The following ZNF250 variants were observed in gnomAD, a reference collection of about 807,000 sequenced individuals.
ZNF250 encodes the protein zinc finger protein 250, also known as zinc finger protein (clone 647).
Under a neutral mutation model 37.1 loss-of-function variants are expected in ZNF250, and 13 were observed. That is an observed-to-expected ratio of 0.35 (90% CI 0.23 to 0.56). The LOEUF (loss-of-function observed/expected upper bound fraction) is 0.56. Among genes scored for constraint, ZNF250 ranks in the 20% least tolerant of loss-of-function variants. The probability of loss-of-function intolerance (pLI) is 0.87; values close to 1 mark genes in which losing one functional copy is unlikely to be tolerated. For synonymous variants in ZNF250, 251 were observed against 265.6 expected, an observed-to-expected ratio of 0.94 and a Z score of 0.54; for missense variants, 474 against 697.9, an observed-to-expected ratio of 0.68 and a Z score of 3.61.
chr8:144,888,795 C>G (rs896602004), intron 4 of ZNF250, among the ~76,000 whole-genome samples: 16 of 151,990 alleles, frequency 1.1e-4, no homozygotes, highest in Non-Finnish European at 1.6e-4. Context: ...GTCCCCCAGG[C>G]TGGAGTGCAG....
chr8:144,888,056 G>A (rs1832023120), intron 4 of ZNF250, among the ~76,000 whole-genome samples: 1 of 152,166 alleles, frequency 6.6e-6, no homozygotes, highest in Non-Finnish European at 1.5e-5. Flanking sequence ...GGCAGGACAG[G>A]CTGACTGAGG....
chr8:144,886,597 C>T (rs958350957), intron 5 of ZNF250, among the ~76,000 whole-genome samples: 2 of 152,144 alleles, frequency 1.3e-5, no homozygotes, highest in Non-Finnish European at 2.9e-5. Context: ...AAAATGATTT[C>T]ACCGAAATAA....
Position 144,890,392 on chromosome 8 carries a change from G to T in ZNF250, c.-43C>A, listed in dbSNP as rs1382294892. The T allele has an allele frequency of 6.9e-7, 1 of 1,458,298 alleles. No individual in the cohort carries two copies. The highest frequency in any genetic ancestry group is 2.4e-5 in the East Asian group (1 of 41,846). 90.3% of individuals were successfully genotyped at this position (1,458,298 alleles called of 1,614,324 possible). ...ACTCCGAGGATCACGGAAATTGAAG[G>T]AGCCTATGGGGCTGAGGAAGAGGAG... On this transcript the variant is annotated 5_prime_UTR_variant, in exon 2 of 6. Coordinates refer to ENST00000417550, the MANE Select transcript of ZNF250 (RefSeq NM_001109689.4). This position sits in a 1 kb window ranked among gnomAD's most constrained non-coding sequence, Gnocchi z 5.1.
chr8:144,892,427 T>A (rs1832408696), intron 1 of ZNF250, among the ~76,000 whole-genome samples: 1 of 152,184 alleles, frequency 6.6e-6, no homozygotes, highest in Non-Finnish European at 1.5e-5. Flanking sequence ...GAGGAACAGA[T>A]GAAGCCAGAC....
intron 1 of ZNF250, among the ~76,000 whole-genome samples, chr8:144,894,322 T>A (rs1586919185): frequency 6.6e-6 from 1 of 152,142 alleles, no homozygotes; most frequent in East Asian, 1.9e-4. Flanking sequence ...AGCCCCTCCA[T>A]CTACCTTCCT....
Position 144,881,390 on chromosome 8 carries a change from T to G in ZNF250, c.*125A>C. ...GCTAAGTGCTTCTTTCTGGAGTTAT[T>G]TTGTGACACTGAATCGCCAAAGAAA... On this transcript the variant is annotated 3_prime_UTR_variant, in exon 6 of 6. Transcript: ENST00000417550. The G allele has an allele frequency of 1.4e-6, 2 of 1,385,376 alleles. No homozygotes were observed. Among genetic ancestry groups the G allele is most frequent in the Non-Finnish European group, 1.9e-6 (2 of 1,049,746 alleles). The allele number at this position is 1,385,376 out of a possible 1,614,324, so 85.8% of individuals were successfully genotyped here. A position where few individuals can be genotyped will look rare whatever the true frequency, so the allele number is the denominator to read the frequency against.
At chr8:144,887,416 C>T (rs1327145028) in intron 4 of ZNF250, among the ~76,000 whole-genome samples, 2 of 152,138 alleles carry the variant, frequency 1.3e-5, no homozygotes, top group Admixed American at 1.3e-4. Context: ...ATCTACTCCT[C>T]GCTTGCTCTG....
Position 144,891,879 on chromosome 8 carries a change from G to A in ZNF250, c.-54-1476C>T, listed in dbSNP as rs1316781365. 6.6e-6 allele frequency among the ~76,000 whole-genome samples: 1 copy of A among 152,034 alleles called. No homozygotes were observed. Among genetic ancestry groups the A allele is most frequent in the East Asian group, 1.9e-4 (1 of 5,182 alleles). On this transcript the variant is annotated intron_variant, in intron 1 of 5. Coordinates refer to ENST00000417550, the MANE Select transcript of ZNF250 (RefSeq NM_001109689.4). This position sits in a 1 kb window ranked among gnomAD's most constrained non-coding sequence, Gnocchi z 4.0. ...AAAACAAAAACAAAAACAAAAATCA[G>A]CTGGGTGTGGTGGCGGGTGCCTGTA...
At chr8:144,886,338 C>A (rs1831879610) in intron 5 of ZNF250, among the ~76,000 whole-genome samples, 1 of 152,080 alleles carries the variant, frequency 6.6e-6, no homozygotes, top group South Asian at 2.1e-4. Context: ...AAAGAAAACA[C>A]ACACACACAC....
chr8:144,900,965 G>C (rs1228458882), intron 1 of ZNF250, among the ~76,000 whole-genome samples: 1 of 152,216 alleles, frequency 6.6e-6, no homozygotes, highest in Non-Finnish European at 1.5e-5. Flanking sequence ...GGTCCGGACT[G>C]CGCCCCTAGG....
At chr8:144,886,309 C>T (rs1831876735) in intron 5 of ZNF250, among the ~76,000 whole-genome samples, 1 of 152,056 alleles carries the variant, frequency 6.6e-6, no homozygotes, top group Admixed American at 6.6e-5. Flanking sequence ...TGTCTCTACA[C>T]TGCACTCCAG....
chr8:144,889,505 G>C (rs549272998), intron 4 of ZNF250, 76 bp downstream of exon 4: 3 of 1,218,564 alleles, frequency 2.5e-6, no homozygotes, highest in African/African-American at 1.5e-5. Context: ...GAGCGGCACA[G>C]TATGAACTAG....
intron 1 of ZNF250, among the ~76,000 whole-genome samples, chr8:144,899,108 A>G (rs1444316694): frequency 6.6e-6 from 1 of 152,208 alleles, no homozygotes; most frequent in African/African-American, 2.4e-5. Context: ...TCATTATGTT[A>G]ATTGAAATAA....
chr8:144,898,033 C>T (rs902888029), intron 1 of ZNF250, among the ~76,000 whole-genome samples: 35 of 152,098 alleles, frequency 2.3e-4, no homozygotes, highest in African/African-American at 7.0e-4. Context: ...TGTTTATGGC[C>T]GGTTTTGGGG....
chr8:144,901,221 G>A lies in ZNF250; in HGVS notation c.-55+178C>T, dbSNP rs1371920355. On this transcript the variant is annotated intron_variant, in intron 1 of 5. Transcript: ENST00000417550. This position sits in a 1 kb window ranked among gnomAD's most constrained non-coding sequence, Gnocchi z 5.4. Reference sequence around the variant, plus strand: ...GAACCCCGAACGGGGGAGAGGGCGCGGCCTTGGCCCTGGGGAGGAGGCCGC... The same window carrying A: ...GAACCCCGAACGGGGGAGAGGGCGCAGCCTTGGCCCTGGGGAGGAGGCCGC... The A allele has an allele frequency of 6.6e-6, 1 of 152,336 alleles. No individual in the cohort carries two copies. Among genetic ancestry groups the A allele is most frequent in the Admixed American group, 6.5e-5 (1 of 15,294 alleles). 9.4% of individuals were successfully genotyped at this position (152,336 alleles called of 1,614,324 possible). A position where few individuals can be genotyped will look rare whatever the true frequency, so the allele number is the denominator to read the frequency against.
At chr8:144,900,835 G>C (rs1833050088) in intron 1 of ZNF250, among the ~76,000 whole-genome samples, 1 of 152,204 alleles carries the variant, frequency 6.6e-6, no homozygotes, top group African/African-American at 2.4e-5. Context: ...GGCTCCTCAG[G>C]ATGTGCATCA....
At chr8:144,893,519 C>T (rs910486730) in intron 1 of ZNF250, among the ~76,000 whole-genome samples, 2 of 151,716 alleles carry the variant, frequency 1.3e-5, no homozygotes, top group African/African-American at 4.9e-5. Flanking sequence ...TTTGTAGGTA[C>T]GGGGTTTCAC....
At position 144,891,346 on chromosome 8, in the gene ZNF250, G is replaced by T. The variant is rs563414921; in HGVS notation, c.-54-943C>A. Among the ~76,000 whole-genome samples, 6 of 152,228 alleles carry T rather than the reference G, an allele frequency of 3.9e-5. No individual in the cohort carries two copies. The highest frequency in any genetic ancestry group is 6.5e-5 in the Admixed American group (1 of 15,280). ...TCAGATGGGCACCACAACAAACAGG[G>T]TGCTTTAAGAGTGACAAAATAGGTG... On this transcript the variant is annotated intron_variant, in intron 1 of 5. Transcript: ENST00000417550. The surrounding 1 kb of genome is among the most constrained non-coding windows in gnomAD (Gnocchi z 4.0).
intron 4 of ZNF250, among the ~76,000 whole-genome samples, chr8:144,889,032 T>A (rs908166634): frequency 5.3e-5 from 8 of 152,222 alleles, no homozygotes; most frequent in African/African-American, 1.9e-4. Context: ...TCTCCCAAAG[T>A]GCTGGTATTA....
Sources: gnomAD v4.1 joint callset for allele counts (sites outside exome capture counted in the v4.1 genomes callset) on GRCh38, gnomAD v4.1.1 for gene constraint, Gnocchi (gnomAD v3.1) non-coding constraint, MANE v1.5 for transcripts, NCBI Gene and HGNC (gene_info 2026-07-23, HGNC 2026-07-21) for gene names.